The following XIRP2 variants were observed in gnomAD, a reference collection of about 807,000 sequenced individuals.
XIRP2 encodes xin actin-binding repeat-containing protein 2.
XIRP2 carries 236 observed loss-of-function variants against 277.0 expected under a neutral mutation model. The observed-to-expected ratio is 0.85, with a 90% confidence interval of 0.77 to 0.95. XIRP2 has a LOEUF of 0.95. XIRP2 is among the 40% of genes least tolerant of loss of function. XIRP2 has a pLI of 0.00. For synonymous variants in XIRP2, 1,490 were observed against 1,416.5 expected, an observed-to-expected ratio of 1.05 and a Z score of -1.17; for missense variants, 4,640 against 4,157.5, an observed-to-expected ratio of 1.12 and a Z score of -3.19.
chr2:166,986,663 G>C (rs2105440350), intron 2 of XIRP2, among the ~76,000 whole-genome samples: 1 of 152,364 alleles, frequency 6.6e-6, no homozygotes, highest in Admixed American at 6.5e-5. Context: ...GGCAGTTTAT[G>C]AAATACTGAA....
chr2:167,106,701 T>C (rs1574260486), intron 2 of XIRP2, among the ~76,000 whole-genome samples: 1 of 151,612 alleles, frequency 6.6e-6, no homozygotes, highest in East Asian at 1.9e-4. Context: ...TCTATAAAAG[T>C]GTTGTCTTTA....
At chr2:167,145,456 C>G (rs1351479681) in intron 3 of XIRP2, among the ~76,000 whole-genome samples, 1 of 152,058 alleles carries the variant, frequency 6.6e-6, no homozygotes, top group East Asian at 1.9e-4. Flanking sequence ...ATAGTAGGAG[C>G]CTTCAAATTA....
At chr2:167,137,502 A>G (rs938875884) in intron 3 of XIRP2, among the ~76,000 whole-genome samples, 4 of 151,964 alleles carry the variant, frequency 2.6e-5, no homozygotes, top group African/African-American at 7.3e-5. Flanking sequence ...GGAGGCAAAA[A>G]TGAGTTTGGC....
chr2:167,160,799 C>T (rs1181489559), intron 3 of XIRP2, among the ~76,000 whole-genome samples: 1 of 152,170 alleles, frequency 6.6e-6, no homozygotes, highest in African/African-American at 2.4e-5. Context: ...GCCTTCCCAA[C>T]AGTCCCCCAA....
chr2:167,099,914 A>G (rs1016706657), intron 2 of XIRP2, among the ~76,000 whole-genome samples: 2 of 152,074 alleles, frequency 1.3e-5, no homozygotes, highest in African/African-American at 4.8e-5. Flanking sequence ...TTCTGCATTG[A>G]TCTCTCTGGG....
In XIRP2 at chr2:167,250,623, G is replaced by GA. The variant is rs781442871; in HGVS notation, c.9235dup (p.Thr3079AsnfsTer11). ...AGAAAGAAAATAAAATTGCCAAAGA[G>GA]AAAACAGTACAGCACCAAGTAGCAG... On this transcript the variant is annotated frameshift_variant, in exon 9 of 11. Transcript: ENST00000409195. LOFTEE classifies it high-confidence loss of function. 1.9e-6 allele frequency: 3 copies of GA among 1,613,240 alleles called. No individual in the cohort carries two copies. The highest frequency in any genetic ancestry group is 1.7e-5 in the Admixed American group (1 of 59,916).
In XIRP2 at chr2:167,248,649, G is replaced by A. The variant is rs1263475849; in HGVS notation, c.7257G>A (p.Leu2419=). 1 of 1,613,596 alleles carries A rather than the reference G, an allele frequency of 6.2e-7. No homozygotes were observed. Among genetic ancestry groups the A allele is most frequent in the Admixed American group, 1.7e-5 (1 of 59,942 alleles). The stretch of plus-strand genomic sequence containing the variant: ...TCATAACAGGAAAAACCGGTGTGTT[G>A]CCACCTCCCACATTGCCCAAACCCA... ...AKIITGKTGV[L]PPPTLPKPKL... Residue 2419 remains leucine (L), a synonymous_variant, in exon 9 of 11, where the codon TTG becomes TTA. Coordinates refer to ENST00000409195, the MANE Select transcript of XIRP2 (RefSeq NM_152381.6).
At chr2:167,048,007 A>G (rs537070964) in intron 2 of XIRP2, among the ~76,000 whole-genome samples, 1 of 152,010 alleles carries the variant, frequency 6.6e-6, no homozygotes, top group Non-Finnish European at 1.5e-5. Flanking sequence ...ACTACTTAAT[A>G]TTACAGCTAT....
At chr2:167,040,977 G>A (rs1025788598) in intron 2 of XIRP2, among the ~76,000 whole-genome samples, 10 of 152,190 alleles carry the variant, frequency 6.6e-5, no homozygotes, top group African/African-American at 1.7e-4. Flanking sequence ...CCCTGCTGCC[G>A]CCCTGACAAA....
chr2:167,155,899 T>C (rs537219346), intron 3 of XIRP2, among the ~76,000 whole-genome samples: 51 of 150,994 alleles, frequency 3.4e-4, no homozygotes, highest in Non-Finnish European at 6.2e-4. Context: ...TTCAGCAAAG[T>C]CTCAGGACAC....
At chr2:166,912,640 G>A (rs926028494) in intron 2 of XIRP2, among the ~76,000 whole-genome samples, 1 of 152,164 alleles carries the variant, frequency 6.6e-6, no homozygotes, top group Non-Finnish European at 1.5e-5. Context: ...GCTTTGTTCT[G>A]TTGCTGGCGA....
At position 167,249,514 on chromosome 2, in the gene XIRP2, T is replaced by A. The variant is rs1695399622; in HGVS notation, c.8122T>A (p.Phe2708Ile). The A allele has an allele frequency of 7.4e-6, 12 of 1,613,674 alleles. No homozygotes were observed. The highest frequency in any genetic ancestry group is 1.0e-5 in the Non-Finnish European group (12 of 1,179,774). Residue 2708 changes from phenylalanine to isoleucine, a missense_variant, in exon 9 of 11, where the codon TTC (phenylalanine) becomes ATC (isoleucine). By Grantham distance (21) the Phe-to-Ile change is conservative. Transcript: ENST00000409195. The part of the protein sequence containing the change: ...LPQSKPISPN[F>I]KVKTIKLPTL... The stretch of plus-strand genomic sequence containing the variant: ...CCAAAGCAAACCAATTTCCCCAAAT[T>A]TCAAAGTTAAAACCATCAAACTTCC...
At chr2:166,971,353 T>C (rs1686570590) in intron 2 of XIRP2, among the ~76,000 whole-genome samples, 1 of 152,066 alleles carries the variant, frequency 6.6e-6, no homozygotes, top group Non-Finnish European at 1.5e-5. Flanking sequence ...GTTCCAATTT[T>C]TCAGGAGATA....
At chr2:167,221,910 A>G (rs1239607833) in intron 5 of XIRP2, among the ~76,000 whole-genome samples, 1 of 152,220 alleles carries the variant, frequency 6.6e-6, no homozygotes, top group African/African-American at 2.4e-5. Context: ...GACAATATTT[A>G]ATGCCACAAT....
intron 2 of XIRP2, among the ~76,000 whole-genome samples, chr2:167,028,481 A>T (rs1377295300): frequency 6.6e-6 from 1 of 152,106 alleles, no homozygotes; most frequent in Non-Finnish European, 1.5e-5. Flanking sequence ...ATGATTCTGT[A>T]AGAGTCACAG....
intron 2 of XIRP2, among the ~76,000 whole-genome samples, chr2:167,009,191 C>T (rs1382955152): frequency 6.6e-6 from 1 of 150,658 alleles, no homozygotes; most frequent in African/African-American, 2.4e-5. Context: ...TTAGGTATAT[C>T]TCCTAAAGTT....
chr2:167,214,626 G>A (rs1694189210), intron 4 of XIRP2, among the ~76,000 whole-genome samples: 1 of 151,806 alleles, frequency 6.6e-6, no homozygotes, highest in Non-Finnish European at 1.5e-5. Context: ...GAGTGCAGTG[G>A]CACAATCTCG....
Position 167,241,891 on chromosome 2 carries a change from C to A in XIRP2, c.1157C>A (p.Thr386Asn). The change falls in exon 8 of 11, where the codon ACC becomes AAC. Residue 386 changes from threonine to asparagine, a missense_variant. Thr to Asn is a moderately conservative substitution (Grantham distance 65). Coordinates refer to ENST00000409195, the MANE Select transcript of XIRP2 (RefSeq NM_152381.6). The part of the protein sequence containing the change: ...KILYSDKEMT[T>N]PAKQIKTESE... ...CTTTATTCTGACAAAGAGATGACAA[C>A]CCCAGCCAAGCAGATTAAGGTAAAG... The A allele has an allele frequency of 6.2e-7, 1 of 1,612,770 alleles. No individual in the cohort carries two copies. The highest frequency in any genetic ancestry group is 8.5e-7 in the Non-Finnish European group (1 of 1,179,430).
chr2:167,084,657 G>T lies in XIRP2; in HGVS notation c.409-51252G>T, dbSNP rs1045919872. On this transcript the variant is annotated intron_variant, in intron 2 of 10. Coordinates refer to ENST00000409195, the MANE Select transcript of XIRP2 (RefSeq NM_152381.6). The stretch of plus-strand genomic sequence containing the variant: ...CTATTCAGAGATTCAACTTCTTCCT[G>T]GTTTAGTCTTGGGAGAGTGTATGTG... Among the ~76,000 whole-genome samples, 269 of 151,906 alleles carry T rather than the reference G, an allele frequency of 1.8e-3. 3 individuals carry two copies. The highest frequency in any genetic ancestry group is 5.7e-3 in the African/African-American group (235 of 41,434).
Sources: allele counts gnomAD v4.1 joint callset (sites outside exome capture counted in the v4.1 genomes callset), GRCh38; gene constraint gnomAD v4.1.1; transcripts MANE v1.5; gene names NCBI Gene and HGNC (gene_info 2026-07-23, HGNC 2026-07-21).